Variants in SDK1 observed in about 807,000 individuals in gnomAD.
The protein encoded by SDK1 is sidekick cell adhesion molecule 1.
SDK1 carries 157 observed loss-of-function variants against 245.5 expected under a neutral mutation model. That is an observed-to-expected ratio of 0.64 (90% confidence interval 0.56 to 0.73). The LOEUF (loss-of-function observed/expected upper bound fraction) is 0.73, where lower values mean the gene tolerates loss of function less well. Ranked by LOEUF, SDK1 falls within the 30% of genes least tolerant of loss-of-function variation. The pLI is 0.00. For missense variants in SDK1, 3,583 were observed against 3,002.3 expected (o/e 1.19, Z -4.52); for synonymous variants, 1,647 against 1,278.5 (o/e 1.29, Z -6.15).
intron 4 of SDK1, among the ~76,000 whole-genome samples, chr7:3,730,147 A>G (rs1170703670): frequency 6.6e-6 from 1 of 152,128 alleles, no homozygotes; most frequent in Non-Finnish European, 1.5e-5. Flanking sequence ...GCTGATGAGG[A>G]TCCCTTTGAA....
At chr7:3,883,810 C>T (rs1195433963) in intron 5 of SDK1, among the ~76,000 whole-genome samples, 1 of 149,908 alleles carries the variant, frequency 6.7e-6, no homozygotes, top group East Asian at 2.1e-4. Flanking sequence ...CTAGTCTCAT[C>T]ATTTTGGCCT....
chr7:3,413,678 C>A (rs1011865606), intron 1 of SDK1, among the ~76,000 whole-genome samples: 4 of 152,006 alleles, frequency 2.6e-5, no homozygotes, highest in Non-Finnish European at 1.5e-5. Context: ...CAGAGCGAAA[C>A]TTCATCTCAA....
At chr7:4,132,207 C>G (rs749807432) in intron 27 of SDK1, 118 bp from the exon 28 acceptor site, 27 of 768,492 alleles carry the variant, frequency 3.5e-5, no homozygotes, top group Admixed American at 1.1e-4. Flanking sequence ...TCTAAACCCA[C>G]GACAGTGTAG....
At chr7:3,578,388 G>T (rs1314723992) in intron 1 of SDK1, among the ~76,000 whole-genome samples, 1 of 151,958 alleles carries the variant, frequency 6.6e-6, no homozygotes, top group African/African-American at 2.4e-5. Context: ...ACAGGACAAG[G>T]CAAAACAGAA....
chr7:3,733,748 C>T (rs1442607812), intron 4 of SDK1, among the ~76,000 whole-genome samples: 3 of 152,194 alleles, frequency 2.0e-5, no homozygotes, highest in East Asian at 1.9e-4. Context: ...GACGTTGCTT[C>T]TCTCTGTTGT....
intron 4 of SDK1, among the ~76,000 whole-genome samples, chr7:3,748,296 C>T (rs950318753): frequency 1.1e-4 from 16 of 152,062 alleles, no homozygotes; most frequent in African/African-American, 3.6e-4. Flanking sequence ...TTTATAGTTC[C>T]TTTATTTCCC....
chr7:3,844,725 C>T (rs1391121697), intron 5 of SDK1, among the ~76,000 whole-genome samples: 1 of 152,188 alleles, frequency 6.6e-6, no homozygotes, highest in Admixed American at 6.5e-5. Flanking sequence ...CCGAGTGCCA[C>T]ACAGAGAACC....
intron 2 of SDK1, among the ~76,000 whole-genome samples, chr7:3,636,637 C>G (rs1159737253): frequency 1.3e-5 from 2 of 152,156 alleles, no homozygotes; most frequent in Non-Finnish European, 2.9e-5. Flanking sequence ...CATCTCTTGG[C>G]TAATTGTGGA....
intron 2 of SDK1, among the ~76,000 whole-genome samples, chr7:3,627,230 A>T (rs912621006): frequency 6.6e-6 from 1 of 152,132 alleles, no homozygotes; most frequent in Non-Finnish European, 1.5e-5. Flanking sequence ...TGTCCAGCCA[A>T]CACTACCAGG....
chr7:3,852,116 C>G (rs1019248059), intron 5 of SDK1, among the ~76,000 whole-genome samples: 3 of 151,194 alleles, frequency 2.0e-5, no homozygotes, highest in Admixed American at 6.6e-5. Context: ...GAGGACCGGC[C>G]TCAGTGCCAG....
intron 32 of SDK1, among the ~76,000 whole-genome samples, chr7:4,166,758 C>T (rs1368957076): frequency 6.6e-6 from 1 of 152,228 alleles, no homozygotes. Context: ...CCTGAACTCG[C>T]AGGAGACAGT....
chr7:3,993,381 C>T (rs1268986927), intron 14 of SDK1, among the ~76,000 whole-genome samples: 2 of 152,000 alleles, frequency 1.3e-5, no homozygotes, highest in East Asian at 1.9e-4. Context: ...TTAACACCTG[C>T]TGTTGTATGT....
chr7:3,472,423 A>G (rs914525997), intron 1 of SDK1, among the ~76,000 whole-genome samples: 3 of 152,164 alleles, frequency 2.0e-5, no homozygotes, highest in African/African-American at 7.2e-5. Flanking sequence ...GAAGAGGTTT[A>G]CGATCTAATT....
intron 4 of SDK1, among the ~76,000 whole-genome samples, chr7:3,807,887 T>A (rs1196787850): frequency 6.6e-6 from 1 of 152,196 alleles, no homozygotes; most frequent in Non-Finnish European, 1.5e-5. Flanking sequence ...GAGTTTTAAG[T>A]GTATGCCAAC....
chr7:4,139,858 T>C (rs1310419715), intron 28 of SDK1, among the ~76,000 whole-genome samples: 1 of 151,408 alleles, frequency 6.6e-6, no homozygotes, highest in Non-Finnish European at 1.5e-5. Flanking sequence ...GTCTGGGCTG[T>C]CTTGGAGCTG....
chr7:3,567,646 G>A (rs1233793537), intron 1 of SDK1, among the ~76,000 whole-genome samples: 1 of 152,280 alleles, frequency 6.6e-6, no homozygotes, highest in East Asian at 1.9e-4. Context: ...TTAATTCTTC[G>A]TTTGTATCAT....
chr7:4,265,261 G>T lies in SDK1; in HGVS notation c.6519G>T (p.Val2173=). Residue 2173 remains valine, a synonymous_variant, in exon 45 of 45, where the codon GTG becomes GTT. Coordinates refer to ENST00000404826, the MANE Select transcript of SDK1 (RefSeq NM_152744.4). Reference sequence around the variant, plus strand: ...CTGCGCCGCACAGGTACGAGGCGGTGGCGGGCTCCGAGGCGGGCGCGCAGC... The same window carrying T: ...CTGCGCCGCACAGGTACGAGGCGGTTGCGGGCTCCGAGGCGGGCGCGCAGC... ...RAPAPHRYEA[V]AGSEAGAQLH... The T allele has an allele frequency of 6.3e-7, 1 of 1,599,592 alleles. No individual in the cohort carries two copies.
chr7:3,491,842 A>T (rs1256408444), intron 1 of SDK1, among the ~76,000 whole-genome samples: 7 of 152,372 alleles, frequency 4.6e-5, no homozygotes, highest in Non-Finnish European at 1.5e-5. Context: ...AAGTATCCAT[A>T]TAAAGCCTTG....
chr7:3,682,165 T>C (rs1266330746), intron 4 of SDK1, among the ~76,000 whole-genome samples: 1 of 152,202 alleles, frequency 6.6e-6, no homozygotes, highest in Non-Finnish European at 1.5e-5. Flanking sequence ...TACCTCTCTC[T>C]ACCACTCTGT....
Sources: allele counts gnomAD v4.1 joint callset (sites outside exome capture counted in the v4.1 genomes callset), GRCh38; gene constraint gnomAD v4.1.1; transcripts MANE v1.5; gene names NCBI Gene and HGNC (gene_info 2026-07-23, HGNC 2026-07-21).